Variants in PRICKLE1 observed in about 807,000 individuals in gnomAD.
The protein encoded by PRICKLE1 is prickle-like protein 1.
PRICKLE1 carries 14 observed loss-of-function variants against 70.2 expected under a neutral mutation model. That is an observed-to-expected ratio of 0.20 (90% CI 0.13 to 0.31). The LOEUF (loss-of-function observed/expected upper bound fraction) is 0.31. Ranked by LOEUF, PRICKLE1 falls within the 10% of genes least tolerant of loss-of-function variation. The pLI is 1.00. For missense variants in PRICKLE1, 821 were observed against 1,026.2 expected (o/e 0.80, Z 2.73); for synonymous variants, 357 against 379.9 (o/e 0.94, Z 0.70).
At chr12:42,462,648 G>C (rs1251280476) in intron 7 of PRICKLE1, among the ~76,000 whole-genome samples, 1 of 152,152 alleles carries the variant, frequency 6.6e-6, no homozygotes, top group Non-Finnish European at 1.5e-5. Context: ...GAAGCCGGGG[G>C]GGTAGCTTTG....
chr12:42,548,413 T>G (rs550424888), intron 1 of PRICKLE1, among the ~76,000 whole-genome samples: 2 of 152,354 alleles, frequency 1.3e-5, no homozygotes, highest in South Asian at 4.1e-4. Flanking sequence ...ATTTATTATG[T>G]GCTTCGTAAG....
intron 1 of PRICKLE1, among the ~76,000 whole-genome samples, chr12:42,573,164 C>G (rs754764978): frequency 5.3e-5 from 8 of 152,162 alleles, no homozygotes; most frequent in African/African-American, 1.9e-4. Flanking sequence ...ATAAAATGCT[C>G]TGTGGAGTAG....
rs78612143 is a variant in PRICKLE1 at position 42,503,011 on chromosome 12, T to C, written c.-48-30447A>G. ...ATTTTAAAATGTAAACGGAAACATA[T>C]GATTACGATAAACTCTGATTCTACT... On this transcript the variant is annotated intron_variant, in intron 1 of 7. Coordinates refer to ENST00000345127, the MANE Select transcript of PRICKLE1 (RefSeq NM_153026.3). Among the ~76,000 whole-genome samples, 679 of 152,346 alleles carry C rather than the reference T, an allele frequency of 4.5e-3. 8 individuals carry two copies. Among genetic ancestry groups the C allele is most frequent in the African/African-American group, 0.016 (651 of 41,572 alleles).
At chr12:42,474,002 G>A (rs1938424240) in intron 1 of PRICKLE1, among the ~76,000 whole-genome samples, 1 of 152,164 alleles carries the variant, frequency 6.6e-6, no homozygotes, top group South Asian at 2.1e-4. Context: ...GGCCGGGCGT[G>A]GTAGCTCACA....
intron 1 of PRICKLE1, among the ~76,000 whole-genome samples, chr12:42,474,690 G>A (rs1443896397): frequency 6.6e-6 from 1 of 152,156 alleles, no homozygotes; most frequent in East Asian, 1.9e-4. Context: ...CATGTCAAAG[G>A]AAGAGAACCA....
At chr12:42,565,150 C>T (rs117337857) in intron 1 of PRICKLE1, among the ~76,000 whole-genome samples, 16 of 152,290 alleles carry the variant, frequency 1.1e-4, no homozygotes, top group African/African-American at 3.6e-4. Context: ...CAGCAGCTCT[C>T]CCAGTACTGG....
chr12:42,494,327 G>C (rs564013094), intron 1 of PRICKLE1, among the ~76,000 whole-genome samples: 1 of 152,288 alleles, frequency 6.6e-6, no homozygotes, highest in Admixed American at 6.5e-5. Context: ...ATGCTGTTTG[G>C]TAGCATTTTA....
chr12:42,573,126 T>C (rs977872155), intron 1 of PRICKLE1, among the ~76,000 whole-genome samples: 18 of 152,316 alleles, frequency 1.2e-4, no homozygotes, highest in African/African-American at 4.1e-4. Context: ...TGTACTCACT[T>C]ACACTAAAAC....
rs927941211 is a variant in PRICKLE1, at chr12:42,465,418, G to T, written c.776-160C>A. ...CTCATTCTTTGTGGATTCTGTATTT[G>T]TGAGTGTGCCTACTCATAAAAATTT... On this transcript the variant is annotated intron_variant, in intron 6 of 7. Transcript: ENST00000345127. 5.9e-6 allele frequency: 4 copies of T among 679,362 alleles called. No individual in the cohort carries two copies. The Admixed American group carries it at 9.3e-5, about 16-fold the overall frequency. 42.1% of individuals were successfully genotyped at this position (679,362 alleles called of 1,614,324 possible). A position where few individuals can be genotyped will look rare whatever the true frequency, so the allele number is the denominator to read the frequency against.
chr12:42,582,528 A>C (rs1940919452), intron 1 of PRICKLE1, among the ~76,000 whole-genome samples: 1 of 152,254 alleles, frequency 6.6e-6, no homozygotes, highest in African/African-American at 2.4e-5. Flanking sequence ...GAACATACAT[A>C]TTAATTTCAT....
At chr12:42,541,119 G>A (rs1940105450) in intron 1 of PRICKLE1, among the ~76,000 whole-genome samples, 1 of 151,966 alleles carries the variant, frequency 6.6e-6, no homozygotes, top group Admixed American at 6.6e-5. Context: ...AAATACAGTT[G>A]GTAACATAAG....
chr12:42,555,879 A>G (rs1005058600), intron 1 of PRICKLE1, among the ~76,000 whole-genome samples: 3 of 152,170 alleles, frequency 2.0e-5, no homozygotes, highest in Non-Finnish European at 4.4e-5. Context: ...AAGTGCATAT[A>G]AACCTTCTAT....
chr12:42,514,122 T>G (rs1273692437), intron 1 of PRICKLE1, among the ~76,000 whole-genome samples: 1 of 152,220 alleles, frequency 6.6e-6, no homozygotes. Flanking sequence ...AAAATTCATT[T>G]GGTGCTTTTC....
intron 1 of PRICKLE1, among the ~76,000 whole-genome samples, chr12:42,568,340 A>G (rs1214060437): frequency 6.6e-6 from 1 of 152,114 alleles, no homozygotes; most frequent in African/African-American, 2.4e-5. Context: ...ACACCTGGCT[A>G]ATTTTTGTAT....
intron 1 of PRICKLE1, among the ~76,000 whole-genome samples, chr12:42,537,138 T>C (rs2120577437): frequency 6.6e-6 from 1 of 151,692 alleles, no homozygotes; most frequent in Middle Eastern, 3.4e-3. Context: ...GGGGCCTAAG[T>C]AGAGACTTTT....
intron 1 of PRICKLE1, among the ~76,000 whole-genome samples, chr12:42,555,984 T>C (rs1339959697): frequency 2.0e-5 from 3 of 152,252 alleles, no homozygotes; most frequent in Non-Finnish European, 4.4e-5. Flanking sequence ...GTTAGGTCTG[T>C]AACATTATGT....
intron 1 of PRICKLE1, among the ~76,000 whole-genome samples, chr12:42,554,560 C>T (rs12815883): frequency 0.017 from 2,545 of 152,210 alleles, 41 homozygotes; most frequent in Non-Finnish European, 0.026. Flanking sequence ...CTTTTAGACT[C>T]GTTTGCAGTT....
rs569110156 is a variant in PRICKLE1 at position 42,483,146 on chromosome 12, G to C, written c.-48-10582C>G. 2.6e-5 allele frequency: 4 copies of C among 152,980 alleles called. No homozygotes were observed. The South Asian group carries it at 8.3e-4, about 32-fold the overall frequency. The allele number at this position is 152,980 out of a possible 1,614,324, so 9.5% of individuals were successfully genotyped here. On this transcript the variant is annotated intron_variant, in intron 1 of 7. Transcript: ENST00000345127. ...TAGAACAGTCGCCTTCGAATTCCCC[G>C]TTACCCTCCTCCAGCAGAAAGCCTC... is the stretch of plus-strand genomic sequence containing the variant.
intron 1 of PRICKLE1, among the ~76,000 whole-genome samples, chr12:42,585,620 C>T (rs759912020): frequency 5.9e-5 from 9 of 152,112 alleles, no homozygotes; most frequent in Admixed American, 3.3e-4. Context: ...ATGACATCAG[C>T]GTGCTCCAAC....
Sources: allele counts gnomAD v4.1 joint callset (sites outside exome capture counted in the v4.1 genomes callset), GRCh38; gene constraint gnomAD v4.1.1; transcripts MANE v1.5; gene names NCBI Gene and HGNC (gene_info 2026-07-23, HGNC 2026-07-21).